The following OPRD1 variants were observed in gnomAD, a reference collection of about 807,000 sequenced individuals.
OPRD1 encodes the protein delta-type opioid receptor.
Under a neutral mutation model 17.5 loss-of-function variants are expected in OPRD1, and 19 were observed. The ratio of observed to expected loss-of-function variants is 1.09; its 90% CI spans 0.76 to 1.60. The LOEUF (loss-of-function observed/expected upper bound fraction) is 1.60. Ranked by LOEUF, OPRD1 falls within the 40% of genes most tolerant of loss-of-function variation. The pLI is 0.00. For missense variants in OPRD1, 483 were observed against 547.2 expected (o/e 0.88, Z 1.17); for synonymous variants, 256 against 240.9 (o/e 1.06, Z -0.58).
intron 1 of OPRD1, among the ~76,000 whole-genome samples, chr1:28,838,396 C>T (rs1371147587): frequency 1.3e-5 from 2 of 152,198 alleles, no homozygotes; most frequent in Non-Finnish European, 2.9e-5. Flanking sequence ...GTCAGCAGAA[C>T]AGATTTTCTG....
Position 28,862,937 on chromosome 1 carries a change from G to C in OPRD1, c.773G>C (p.Arg258Pro), listed in dbSNP as rs1344022595. 2 of 1,612,342 alleles carry C rather than the reference G, an allele frequency of 1.2e-6. No individual in the cohort carries two copies. The highest frequency in any genetic ancestry group is 1.7e-5 in the Admixed American group (1 of 59,846). Residue 258 changes from arginine to proline, a missense_variant, in exon 3 of 3, where the codon CGC becomes CCC. Physicochemically the swap from Arg to Pro is moderately radical, Grantham distance 103 (BLOSUM62 -2). Transcript: ENST00000234961. ...GSKEKDRSLR[R>P]ITRMVLVVVG... ...AAGGAGAAGGACCGCAGCCTGCGGC[G>C]CATCACGCGCATGGTGCTGGTGGTT...
Position 28,863,429 on chromosome 1 carries a change from G to T in OPRD1, c.*146G>T. ...CAGATGGGGCCTCTGTTTCGGAGAC[G>T]GGACCGGGCCGCTAGATGGGCATGG... is the stretch of plus-strand genomic sequence containing the variant. On this transcript the variant is annotated 3_prime_UTR_variant, in exon 3 of 3. Transcript: ENST00000234961. 3 of 952,938 alleles carry T rather than the reference G, an allele frequency of 3.1e-6. No homozygotes were observed. The highest frequency in any genetic ancestry group is 2.9e-6 in the Non-Finnish European group (2 of 689,168). 59.0% of individuals were successfully genotyped at this position (952,938 alleles called of 1,614,324 possible). A position where few individuals can be genotyped will look rare whatever the true frequency, so the allele number is the denominator to read the frequency against.
Position 28,866,319 on chromosome 1 carries a change from C to T in OPRD1, c.*3036C>T, listed in dbSNP as rs1000914447. On this transcript the variant is annotated 3_prime_UTR_variant, in exon 3 of 3. Transcript: ENST00000234961. The stretch of plus-strand genomic sequence containing the variant: ...TAAGAGGTGGAAAAGGGTCGGGGAC[C>T]CTGAAGGATGAATAGGAGTTGGCCA... 1 of 152,042 alleles carries T rather than the reference C, an allele frequency of 6.6e-6. No homozygotes were observed. The highest frequency in any genetic ancestry group is 1.5e-5 in the Non-Finnish European group (1 of 68,026). The allele number at this position is 152,042 out of a possible 1,614,324, so 9.4% of individuals were successfully genotyped here.
Position 28,846,894 on chromosome 1 carries a change from T to C in OPRD1, c.228-12060T>C, listed in dbSNP as rs575348420. Among the ~76,000 whole-genome samples the C allele has an allele frequency of 3.9e-3, 159 of 41,102 alleles. 2 individuals carry two copies. Among genetic ancestry groups the C allele is most frequent in the African/African-American group, 7.7e-3 (153 of 19,808 alleles). The allele number at this position is 41,102 out of a possible 152,430, so 27.0% of individuals were successfully genotyped here. ...TCTTTCTTTCTTTCTTTCTTTCTTT[T>C]CTCTTTCTTTCTTTTTCTTTCTTTC... On this transcript the variant is annotated intron_variant, in intron 1 of 2. Transcript: ENST00000234961.
rs997773686 is a variant in OPRD1, at chr1:28,822,878, A to G, written c.227+10268A>G. On this transcript the variant is annotated intron_variant, in intron 1 of 2. Transcript: ENST00000234961. ...GACTTTGAGAGGCAGGGGGCTGTGCAAGGAAAAGGCATGATTTCATTAACC... is the reference window on the plus strand; with the variant it reads ...GACTTTGAGAGGCAGGGGGCTGTGCGAGGAAAAGGCATGATTTCATTAACC... 1.6e-4 allele frequency among the ~76,000 whole-genome samples: 24 copies of G among 152,300 alleles called. 1 individual carries two copies. Among genetic ancestry groups the G allele is most frequent in the African/African-American group, 5.8e-4 (24 of 41,564 alleles).
intron 1 of OPRD1, among the ~76,000 whole-genome samples, chr1:28,815,437 A>G (rs1412278569): frequency 6.6e-6 from 1 of 152,158 alleles, no homozygotes; most frequent in African/African-American, 2.4e-5. Context: ...GTCCTCAGAG[A>G]GCAGAGACCT....
chr1:28,833,210 T>TA (rs1363788013), intron 1 of OPRD1, among the ~76,000 whole-genome samples: 1 of 152,224 alleles, frequency 6.6e-6, no homozygotes, highest in South Asian at 2.1e-4. Flanking sequence ...GACTTTTGCC[T>TA]AAGGGCACCT....
chr1:28,818,568 G>A (rs1167266241), intron 1 of OPRD1, among the ~76,000 whole-genome samples: 1 of 152,216 alleles, frequency 6.6e-6, no homozygotes, highest in East Asian at 1.9e-4. Flanking sequence ...CACCGAGGCT[G>A]AGACGAGAGT....
At chr1:28,836,835 C>A (rs1334004018) in intron 1 of OPRD1, among the ~76,000 whole-genome samples, 2 of 152,080 alleles carry the variant, frequency 1.3e-5, no homozygotes, top group Admixed American at 6.6e-5. Context: ...CAGTGTGTGC[C>A]ACCATGCCCA....
intron 1 of OPRD1, among the ~76,000 whole-genome samples, chr1:28,852,164 T>TAAAAAAAAAA (rs71030305): frequency 8.1e-5 from 7 of 86,726 alleles, no homozygotes; most frequent in African/African-American, 2.3e-4. Flanking sequence ...AAACTCCATG[T>TAAAAAAAAAA]AAAAAAAAAA....
intron 1 of OPRD1, among the ~76,000 whole-genome samples, chr1:28,852,751 T>A (rs1002229538): frequency 6.6e-6 from 1 of 152,188 alleles, no homozygotes; most frequent in Admixed American, 6.6e-5. Context: ...GAGTTTTGCT[T>A]TTATTGCCCA....
chr1:28,855,077 G>A (rs1484241924), intron 1 of OPRD1, among the ~76,000 whole-genome samples: 1 of 152,216 alleles, frequency 6.6e-6, no homozygotes, highest in Admixed American at 6.5e-5. Context: ...AAAAGAAGAT[G>A]AATGTAAGTC....
Position 28,862,797 on chromosome 1 carries a change from G to A in OPRD1, c.633G>A (p.Thr211=). 1 of 1,613,538 alleles carries A rather than the reference G, an allele frequency of 6.2e-7. No individual in the cohort carries two copies. Among genetic ancestry groups the A allele is most frequent in the Non-Finnish European group, 8.5e-7 (1 of 1,179,926 alleles). ...CCAGCCCCAGCTGGTACTGGGACACGGTGACCAAGATCTGCGTGTTCCTCT... is the reference window on the plus strand; with the variant it reads ...CCAGCCCCAGCTGGTACTGGGACACAGTGACCAAGATCTGCGTGTTCCTCT... ...QFPSPSWYWD[T]VTKICVFLFA... Residue 211 remains threonine (T), a synonymous_variant, in exon 3 of 3, where the codon ACG becomes ACA. Coordinates refer to ENST00000234961, the MANE Select transcript of OPRD1 (RefSeq NM_000911.4).
chr1:28,823,190 CTTTTTT>C (rs773578102), intron 1 of OPRD1, among the ~76,000 whole-genome samples: 4 of 101,900 alleles, frequency 3.9e-5, no homozygotes, highest in South Asian at 3.1e-4. Flanking sequence ...CTTCTGTAGT[CTTTTTT>C]TTTTTTTTTT....
At chr1:28,831,017 A>T (rs1250174987) in intron 1 of OPRD1, among the ~76,000 whole-genome samples, 1 of 152,240 alleles carries the variant, frequency 6.6e-6, no homozygotes, top group Admixed American at 6.5e-5. Context: ...TGCTGTCCCC[A>T]CCAGATGCCC....
intron 1 of OPRD1, among the ~76,000 whole-genome samples, chr1:28,827,517 A>G (rs1470810916): frequency 2.0e-5 from 3 of 152,064 alleles, no homozygotes; most frequent in Non-Finnish European, 4.4e-5. Flanking sequence ...TTTCTTGCTC[A>G]TCTATAAGAA....
intron 1 of OPRD1, among the ~76,000 whole-genome samples, chr1:28,817,215 C>T (rs2088677901): frequency 6.6e-6 from 1 of 152,156 alleles, no homozygotes; most frequent in Non-Finnish European, 1.5e-5. Flanking sequence ...TTTAGCAAGC[C>T]GGATCGCCTC....
chr1:28,832,383 C>T (rs986350595), intron 1 of OPRD1, among the ~76,000 whole-genome samples: 3 of 151,928 alleles, frequency 2.0e-5, no homozygotes, highest in South Asian at 2.1e-4. Context: ...TTTGGGAGGC[C>T]GAGGTGGGAG....
chr1:28,859,091 A>C lies in OPRD1; in HGVS notation c.365A>C (p.Lys122Thr). ...ETWPFGELLC[K>T]AVLSIDYYNM... The stretch of plus-strand genomic sequence containing the variant: ...TGGCCCTTCGGCGAGCTGCTCTGCA[A>C]GGCTGTGCTCTCCATCGACTACTAC... The change falls in exon 2 of 3, where the codon AAG becomes ACG. Residue 122 changes from lysine (K) to threonine (T), a missense_variant. Coordinates refer to ENST00000234961, the MANE Select transcript of OPRD1 (RefSeq NM_000911.4). 6.2e-7 allele frequency: 1 copy of C among 1,614,224 alleles called. No individual in the cohort carries two copies. Among genetic ancestry groups the C allele is most frequent in the Non-Finnish European group, 8.5e-7 (1 of 1,180,050 alleles).
Sources: gnomAD v4.1 joint callset for allele counts (sites outside exome capture counted in the v4.1 genomes callset) on GRCh38, gnomAD v4.1.1 for gene constraint, MANE v1.5 for transcripts, NCBI Gene and HGNC (gene_info 2026-07-23, HGNC 2026-07-21) for gene names.